Variants in KANK1 observed in about 807,000 individuals in gnomAD.
KANK1 encodes KN motif and ankyrin repeat domains 1.
A neutral mutation model predicts 106.2 loss-of-function variants in KANK1; 109 were observed. The ratio of observed to expected loss-of-function variants is 1.03; its 90% CI spans 0.88 to 1.20. KANK1 has a LOEUF of 1.20. Among genes scored for constraint, KANK1 ranks in the 50% most tolerant of loss-of-function variants. KANK1 has a pLI of 0.00. For synonymous variants in KANK1, 873 were observed against 652.2 expected (o/e 1.34, Z -5.16); for missense variants, 2,399 against 1,710.7 (o/e 1.40, Z -7.10).
intron 5 of KANK1, 38 bp from the exon 6 acceptor site, chr9:732,340 C>G (rs757251527): frequency 6.3e-7 from 1 of 1,585,010 alleles, no homozygotes; most frequent in Non-Finnish European, 8.6e-7. Flanking sequence ...TCTTCGTGAG[C>G]ACACCTTGCA....
At chr9:572,782 A>G (rs1819545132) in intron 1 of KANK1, among the ~76,000 whole-genome samples, 1 of 152,190 alleles carries the variant, frequency 6.6e-6, no homozygotes, top group Non-Finnish European at 1.5e-5. Flanking sequence ...GTTTTAACTC[A>G]TGAGTTAAAA....
chr9:480,714 A>G (rs1587200855), intron 3 of KANK1, among the ~76,000 whole-genome samples: 1 of 152,336 alleles, frequency 6.6e-6, no homozygotes, highest in South Asian at 2.1e-4. Context: ...CCTGCCTCTG[A>G]AAGCATAGGC....
intron 1 of KANK1, among the ~76,000 whole-genome samples, chr9:566,062 T>C (rs866206507): frequency 6.6e-6 from 1 of 152,256 alleles, no homozygotes; most frequent in Non-Finnish European, 1.5e-5. Flanking sequence ...TTGTCCTCTA[T>C]GTGCCCATGT....
At chr9:661,986 T>C (rs1003581165) in intron 1 of KANK1, among the ~76,000 whole-genome samples, 7 of 152,234 alleles carry the variant, frequency 4.6e-5, no homozygotes, top group Non-Finnish European at 7.3e-5. Flanking sequence ...GATTTTTTCT[T>C]GTAAATTTGT....
At chr9:609,682 C>T (rs962441107) in intron 1 of KANK1, among the ~76,000 whole-genome samples, 5 of 152,082 alleles carry the variant, frequency 3.3e-5, no homozygotes, top group Middle Eastern at 3.4e-3. Flanking sequence ...AGACATTGAT[C>T]CTGCTAACAT....
At position 713,240 on chromosome 9, in the gene KANK1, A is replaced by G. The variant is rs1324583042; in HGVS notation, c.2474A>G (p.His825Arg). The change falls in exon 3 of 12, where the codon CAC becomes CGC. Residue 825 changes from histidine (H) to arginine (R), a missense_variant. His to Arg is a conservative substitution (Grantham distance 29). Transcript: ENST00000382297. ...APLGMMTGLD[H>R]YIERIQKLLA... Reference sequence around the variant, plus strand: ...CTTGGAATGATGACTGGCCTGGATCACTACATTGAGCGTATCCAGAAGCTG... The same window carrying G: ...CTTGGAATGATGACTGGCCTGGATCGCTACATTGAGCGTATCCAGAAGCTG... 8.1e-6 allele frequency: 13 copies of G among 1,606,556 alleles called. No individual in the cohort carries two copies. Among genetic ancestry groups the G allele is most frequent in the Admixed American group, 5.1e-5 (3 of 59,286 alleles).
chr9:683,835 G>A (rs1818034482), intron 2 of KANK1, among the ~76,000 whole-genome samples: 2 of 152,108 alleles, frequency 1.3e-5, no homozygotes, highest in African/African-American at 4.8e-5. Context: ...ATTAGATTAT[G>A]CATTTCAACT....
At chr9:562,158 T>G (rs1816658491) in intron 1 of KANK1, among the ~76,000 whole-genome samples, 1 of 143,914 alleles carries the variant, frequency 6.9e-6, no homozygotes, top group East Asian at 2.1e-4. Context: ...GTTCACGCCA[T>G]TCTCCTGCCT....
At position 563,058 on chromosome 9, in the gene KANK1, C is replaced by G. The variant is rs140126573; in HGVS notation, c.-84+58304C>G. Among the ~76,000 whole-genome samples the G allele has an allele frequency of 9.2e-5, 14 of 152,208 alleles. No individual in the cohort carries two copies. In the East Asian group the frequency reaches 2.3e-3, roughly 25 times the overall value. Reference sequence around the variant, plus strand: ...AGATTCTGCATTTTTCAGGTGATTTCTAATTACATGAAAGAGATTAGATCA... The same window carrying G: ...AGATTCTGCATTTTTCAGGTGATTTGTAATTACATGAAAGAGATTAGATCA... On this transcript the variant is annotated intron_variant, in intron 1 of 11. Coordinates refer to ENST00000382297, the MANE Select transcript of KANK1 (RefSeq NM_015158.5).
chr9:480,974 A>G (rs1225781543), intron 3 of KANK1, among the ~76,000 whole-genome samples: 1 of 152,192 alleles, frequency 6.6e-6, no homozygotes, highest in Non-Finnish European at 1.5e-5. Flanking sequence ...AAACCCACCT[A>G]AGTGAAAAAA....
At chr9:716,507 A>T (rs774573275) in intron 3 of KANK1, among the ~76,000 whole-genome samples, 6 of 152,230 alleles carry the variant, frequency 3.9e-5, no homozygotes, top group Admixed American at 3.9e-4. Context: ...TTGTATCAAT[A>T]TAAAGAAGTA....
rs765154132 is a variant in KANK1 at position 711,176 on chromosome 9, A to G, written c.410A>G (p.Asn137Ser). 1.9e-6 allele frequency: 3 copies of G among 1,614,122 alleles called. No homozygotes were observed. The highest frequency in any genetic ancestry group is 2.5e-6 in the Non-Finnish European group (3 of 1,180,032). The change falls in exon 3 of 12, where the codon AAT (asparagine) becomes AGT (serine). Residue 137 changes from asparagine to serine, a missense_variant. By Grantham distance (46) the Asn-to-Ser change is conservative. Coordinates refer to ENST00000382297, the MANE Select transcript of KANK1 (RefSeq NM_015158.5). ...TSLPFLTIPE[N>S]RQLPPPSPQL... is the part of the protein sequence containing the mutation. The stretch of plus-strand genomic sequence containing the variant: ...CTCCCTTTTCTTACCATCCCAGAAA[A>G]TCGACAGCTGCCACCTCCCTCACCA...
rs3028166 is a variant in KANK1, at chr9:598,620, C to CTTTTTTTTTTT, written c.-83-78250_-83-78240dup. Among the ~76,000 whole-genome samples the CTTTTTTTTTTT allele has an allele frequency of 2.4e-3, 112 of 46,682 alleles. 19 individuals are homozygous for CTTTTTTTTTTT. The highest frequency in any genetic ancestry group is 3.2e-3 in the Non-Finnish European group (75 of 23,148). 30.6% of individuals were successfully genotyped at this position (46,682 alleles called of 152,430 possible). On this transcript the variant is annotated intron_variant, in intron 1 of 11. Transcript: ENST00000382297. ...TTTTTTGTTTTGTTTTGTTGGTTTT[C>CTTTTTTTTTTT]TTTTTTTTTTTTTTTTTTTTTTTTT...
intron 2 of KANK1, among the ~76,000 whole-genome samples, chr9:692,507 CTTT>C (rs5895860): frequency 5.6e-5 from 8 of 142,342 alleles, no homozygotes; most frequent in African/African-American, 2.1e-4. Flanking sequence ...TTTTTTCTTC[CTTT>C]TTTTTTTTTT....
intron 3 of KANK1, chr9:489,188 C>G (rs1431026239): frequency 6.6e-6 from 1 of 152,104 alleles, no homozygotes; most frequent in Non-Finnish European, 1.5e-5. Context: ...AATGAATAAA[C>G]TTTTTCAAAA....
chr9:669,471 C>G (rs1845414140), intron 1 of KANK1, among the ~76,000 whole-genome samples: 1 of 152,014 alleles, frequency 6.6e-6, no homozygotes, highest in African/African-American at 2.4e-5. Flanking sequence ...AAGGATATTT[C>G]TGCTGTTTGC....
In KANK1 at chr9:642,935, T is replaced by G. The variant is rs1374114939; in HGVS notation, c.-83-33955T>G. 1.3e-5 allele frequency among the ~76,000 whole-genome samples: 2 copies of G among 150,616 alleles called. 1 individual carries two copies. The highest frequency in any genetic ancestry group is 5.0e-5 in the African/African-American group (2 of 39,984). On this transcript the variant is annotated intron_variant, in intron 1 of 11. Coordinates refer to ENST00000382297, the MANE Select transcript of KANK1 (RefSeq NM_015158.5). ...AAGTATGCTTAGCGTTCTAAATTTT[T>G]TTAATGCATGTTTATTACTAAGTAA...
chr9:638,066 AATAGCCAAGCTT>A (rs1837559681), intron 1 of KANK1, among the ~76,000 whole-genome samples: 2 of 152,336 alleles, frequency 1.3e-5, no homozygotes, highest in African/African-American at 4.8e-5. Context: ...CACACTGTTT[AATAGCCAAGCTT>A]ATGCAGTATC....
intron 3 of KANK1, among the ~76,000 whole-genome samples, chr9:715,428 C>A (rs1275533714): frequency 6.6e-6 from 1 of 152,164 alleles, no homozygotes; most frequent in Non-Finnish European, 1.5e-5. Context: ...CTCCCTCCTC[C>A]CCAAACTGGG....
Sources: allele counts gnomAD v4.1 joint callset (sites outside exome capture counted in the v4.1 genomes callset), GRCh38; gene constraint gnomAD v4.1.1; transcripts MANE v1.5; gene names NCBI Gene and HGNC (gene_info 2026-07-23, HGNC 2026-07-21).